EYS: variants seen among roughly 807,000 people sequenced by gnomAD.
EYS encodes the protein protein eyes shut homolog.
EYS carries 250 observed loss-of-function variants against 282.1 expected under a neutral mutation model. The observed-to-expected ratio is 0.89, with a 90% CI of 0.80 to 0.98. The LOEUF is 0.98. EYS is among the 50% of genes least tolerant of loss of function. The probability of loss-of-function intolerance (pLI) is 0.00; values close to 1 mark genes in which losing one functional copy is unlikely to be tolerated. For synonymous variants in EYS, 1,355 were observed against 1,282.9 expected (o/e 1.06, Z -1.20); for missense variants, 4,016 against 3,709.0 (o/e 1.08, Z -2.15).
At chr6:64,327,213 C>T (rs2150388140) in intron 29 of EYS, among the ~76,000 whole-genome samples, 1 of 152,180 alleles carries the variant, frequency 6.6e-6, no homozygotes, top group African/African-American at 2.4e-5. Context: ...AGCTCCACAG[C>T]TGCAGCTAGC....
chr6:65,703,265 A>G (rs1769745114), intron 1 of EYS, among the ~76,000 whole-genome samples: 1 of 152,126 alleles, frequency 6.6e-6, no homozygotes, highest in South Asian at 2.1e-4. Context: ...GAGAATTCTG[A>G]CTAATGCATG....
At chr6:64,140,031 G>A (rs1774291032) in intron 31 of EYS, among the ~76,000 whole-genome samples, 1 of 151,812 alleles carries the variant, frequency 6.6e-6, no homozygotes, top group Non-Finnish European at 1.5e-5. Context: ...ACAAGTGCTT[G>A]GATAAATGGA....
intron 14 of EYS, among the ~76,000 whole-genome samples, chr6:64,967,968 CA>C (rs1383038560): frequency 1.3e-5 from 2 of 152,246 alleles, no homozygotes; most frequent in East Asian, 3.9e-4. Context: ...TTTGTAGTCC[CA>C]AAGCCTAGAA....
At position 63,754,610 on chromosome 6, in the gene EYS, G is replaced by C. The variant is rs968611749; in HGVS notation, c.8071+7851C>G. Among the ~76,000 whole-genome samples the C allele has an allele frequency of 2.6e-5, 4 of 152,268 alleles. No individual in the cohort carries two copies. In the East Asian group the frequency reaches 5.8e-4, roughly 22 times the overall value. On this transcript the variant is annotated intron_variant, in intron 41 of 42. Coordinates refer to ENST00000503581, the MANE Select transcript of EYS (RefSeq NM_001142800.2). ...CTATCATTGATGGGCATTTGGGTTT[G>C]TTCCAAGTCTTTGCTATTGTGAATA...
At chr6:64,929,693 C>T (rs567110590) in intron 15 of EYS, among the ~76,000 whole-genome samples, 86 of 152,196 alleles carry the variant, frequency 5.7e-4, no homozygotes, top group African/African-American at 2.1e-3. Flanking sequence ...CCAACTTTTC[C>T]AGTGAGAAAA....
chr6:63,855,097 G>A (rs138985768), intron 36 of EYS, among the ~76,000 whole-genome samples: 46 of 152,318 alleles, frequency 3.0e-4, no homozygotes, highest in Middle Eastern at 6.8e-3. Context: ...GTTATTGCAG[G>A]AATTCTTAGA....
intron 22 of EYS, among the ~76,000 whole-genome samples, chr6:64,650,559 C>T (rs971337525): frequency 6.6e-6 from 1 of 151,872 alleles, no homozygotes; most frequent in Non-Finnish European, 1.5e-5. Context: ...TAAACCTATA[C>T]TAAGTGAATG....
At chr6:65,402,114 T>G (rs1766530673) in intron 7 of EYS, among the ~76,000 whole-genome samples, 1 of 151,764 alleles carries the variant, frequency 6.6e-6, no homozygotes, top group Non-Finnish European at 1.5e-5. Context: ...TATTTTAAAA[T>G]ATTTCAATAT....
At chr6:65,475,684 T>C (rs998015215) in intron 5 of EYS, among the ~76,000 whole-genome samples, 3 of 151,928 alleles carry the variant, frequency 2.0e-5, no homozygotes, top group Non-Finnish European at 4.4e-5. Context: ...CTGACATATG[T>C]TGTTTACCTT....
chr6:65,573,147 C>T (rs114717404), intron 2 of EYS, among the ~76,000 whole-genome samples: 1 of 152,080 alleles, frequency 6.6e-6, no homozygotes, highest in African/African-American at 2.4e-5. Flanking sequence ...GCTCTCATCT[C>T]CCCCTCAGAA....
chr6:63,900,396 A>C (rs1773629935), intron 35 of EYS, among the ~76,000 whole-genome samples: 1 of 152,174 alleles, frequency 6.6e-6, no homozygotes, highest in Non-Finnish European at 1.5e-5. Flanking sequence ...TCCAAGAGAA[A>C]TCAAATTACA....
intron 22 of EYS, among the ~76,000 whole-genome samples, chr6:64,692,490 ATT>A (rs1583047791): frequency 1.3e-5 from 2 of 152,014 alleles, no homozygotes; most frequent in East Asian, 3.9e-4. Flanking sequence ...TTATCTAGAT[ATT>A]TTTGTTTTCA....
At chr6:64,446,307 T>C (rs1388318425) in intron 26 of EYS, among the ~76,000 whole-genome samples, 2 of 152,180 alleles carry the variant, frequency 1.3e-5, no homozygotes, top group Admixed American at 6.5e-5. Context: ...CAGGAATCAA[T>C]GAACCTTCCC....
intron 30 of EYS, among the ~76,000 whole-genome samples, chr6:64,295,676 C>G (rs1247206671): frequency 6.8e-6 from 1 of 147,162 alleles, no homozygotes; most frequent in African/African-American, 2.5e-5. Flanking sequence ...TTGCAGTGAG[C>G]TGAGATCGCG....
At chr6:64,238,208 AGATT>A in intron 30 of EYS, among the ~76,000 whole-genome samples, 1 of 152,156 alleles carries the variant, frequency 6.6e-6, no homozygotes, top group Admixed American at 6.6e-5. Context: ...AGGATTCCTT[AGATT>A]ACAAGCTTTG....
intron 35 of EYS, among the ~76,000 whole-genome samples, chr6:63,921,876 C>CA (rs1764582475): frequency 1.3e-5 from 2 of 152,092 alleles, no homozygotes; most frequent in South Asian, 4.1e-4. Context: ...TTACCAAAGA[C>CA]AAAAAATGGC....
At chr6:65,346,113 C>T (rs1770382830) in intron 9 of EYS, among the ~76,000 whole-genome samples, 1 of 151,600 alleles carries the variant, frequency 6.6e-6, no homozygotes, top group African/African-American at 2.4e-5. Context: ...TTAAGGATAC[C>T]AAGCTCCTTG....
chr6:65,074,441 A>C (rs2150167785), intron 12 of EYS, among the ~76,000 whole-genome samples: 1 of 152,148 alleles, frequency 6.6e-6, no homozygotes, highest in African/African-American at 2.4e-5. Flanking sequence ...TGTAGAGACC[A>C]TGTGGCAAAA....
intron 24 of EYS, among the ~76,000 whole-genome samples, chr6:64,597,855 A>T (rs1424488742): frequency 2.6e-5 from 4 of 152,172 alleles, no homozygotes; most frequent in Non-Finnish European, 5.9e-5. Context: ...TGTAACGCTT[A>T]ATTTGATACA....
Sources: gnomAD v4.1 joint callset for allele counts (sites outside exome capture counted in the v4.1 genomes callset) on GRCh38, gnomAD v4.1.1 for gene constraint, MANE v1.5 for transcripts, NCBI Gene and HGNC (gene_info 2026-07-23, HGNC 2026-07-21) for gene names.